Variants in L2HGDH observed in about 807,000 individuals in gnomAD.
The protein encoded by L2HGDH is L-2-hydroxyglutarate dehydrogenase, mitochondrial.
In L2HGDH, 34 loss-of-function variants were observed where a neutral mutation model predicts 51.5. The observed-to-expected ratio is 0.66, with a 90% confidence interval of 0.50 to 0.88. The LOEUF (loss-of-function observed/expected upper bound fraction) is 0.88. L2HGDH is among the 40% of genes least tolerant of loss of function. L2HGDH has a pLI of 0.00. For missense variants in L2HGDH, 558 were observed against 571.9 expected, an observed-to-expected ratio of 0.98 and a Z score of 0.25; for synonymous variants, 198 against 197.9, an observed-to-expected ratio of 1.00 and a Z score of -0.01.
chr14:50,273,726 C>CA (rs577401077), intron 6 of L2HGDH, among the ~76,000 whole-genome samples: 9 of 151,978 alleles, frequency 5.9e-5, no homozygotes, highest in East Asian at 3.9e-4. Flanking sequence ...GGTTAATATC[C>CA]AAAAAATGTA....
At chr14:50,257,142 T>G (rs1888712830) in intron 9 of L2HGDH, among the ~76,000 whole-genome samples, 1 of 152,168 alleles carries the variant, frequency 6.6e-6, no homozygotes, top group Non-Finnish European at 1.5e-5. Flanking sequence ...TTGGCTAGGC[T>G]GATCTTAAAC....
intron 9 of L2HGDH, among the ~76,000 whole-genome samples, chr14:50,252,668 C>CA (rs1053265002): frequency 5.3e-5 from 8 of 151,802 alleles, no homozygotes; most frequent in Admixed American, 1.3e-4. Context: ...GACTGCAAGA[C>CA]AAAAACTGTA....
chr14:50,286,652 C>T (rs1466433255), intron 4 of L2HGDH, among the ~76,000 whole-genome samples: 5 of 152,138 alleles, frequency 3.3e-5, no homozygotes. Context: ...CTATATATTG[C>T]CATCCCTAAA....
At chr14:50,282,534 T>C (rs1890330239) in intron 5 of L2HGDH, 3 of 455,996 alleles carry the variant, frequency 6.6e-6, no homozygotes, top group East Asian at 7.0e-5. Flanking sequence ...GGGTCCAGTA[T>C]AGTTCAGTAA....
At chr14:50,253,584 T>A (rs1378285289) in intron 9 of L2HGDH, among the ~76,000 whole-genome samples, 1 of 152,094 alleles carries the variant, frequency 6.6e-6, no homozygotes, top group Non-Finnish European at 1.5e-5. Context: ...ACACTGTTAA[T>A]AGAAATGTAA....
intron 9 of L2HGDH, among the ~76,000 whole-genome samples, chr14:50,251,105 A>C (rs1888322478): frequency 2.0e-5 from 3 of 152,236 alleles, no homozygotes; most frequent in Admixed American, 1.3e-4. Flanking sequence ...GTTTTGAAGA[A>C]ACTCAAAGAA....
At chr14:50,247,971 A>AT (rs1555326677) in intron 9 of L2HGDH, among the ~76,000 whole-genome samples, 54 of 151,280 alleles carry the variant, frequency 3.6e-4, no homozygotes, top group African/African-American at 1.2e-3. Flanking sequence ...ATTAAAGAAA[A>AT]TTTTTTTTTG....
At chr14:50,272,354 G>A (rs1217560966) in intron 6 of L2HGDH, among the ~76,000 whole-genome samples, 1 of 152,076 alleles carries the variant, frequency 6.6e-6, no homozygotes, top group Non-Finnish European at 1.5e-5. Flanking sequence ...TCCCTTAGAT[G>A]AGGGCAGGCA....
chr14:50,277,075 A>G (rs1044861138), intron 6 of L2HGDH, among the ~76,000 whole-genome samples: 3 of 152,210 alleles, frequency 2.0e-5, no homozygotes, highest in Non-Finnish European at 2.9e-5. Flanking sequence ...TACTAATCTA[A>G]TATAAAATGC....
chr14:50,270,274 TACTC>T (rs1332448422), intron 6 of L2HGDH, among the ~76,000 whole-genome samples: 7 of 152,342 alleles, frequency 4.6e-5, no homozygotes, highest in Admixed American at 6.5e-5. Context: ...TTTTTAACTT[TACTC>T]ACTAAGTTTA....
At chr14:50,288,215 T>C (rs1890669639) in intron 4 of L2HGDH, among the ~76,000 whole-genome samples, 1 of 152,222 alleles carries the variant, frequency 6.6e-6, no homozygotes, top group African/African-American at 2.4e-5. Context: ...TATAAAGCTA[T>C]GAAACAGCAA....
intron 7 of L2HGDH, 111 bp from the exon 8 acceptor site, chr14:50,268,021 A>G (rs191006931): frequency 6.7e-6 from 7 of 1,040,156 alleles, no homozygotes; most frequent in Non-Finnish European, 1.1e-5. Context: ...TTTAATTTGT[A>G]TTGTGAGCTG....
chr14:50,301,018 G>A (rs901236790), intron 3 of L2HGDH, among the ~76,000 whole-genome samples: 1 of 152,054 alleles, frequency 6.6e-6, no homozygotes, highest in Non-Finnish European at 1.5e-5. Flanking sequence ...TAGAGATAGG[G>A]TCTCACTATG....
At chr14:50,254,424 G>C (rs1888540042) in intron 9 of L2HGDH, among the ~76,000 whole-genome samples, 1 of 152,048 alleles carries the variant, frequency 6.6e-6, no homozygotes, top group African/African-American at 2.4e-5. Flanking sequence ...TCTTGGGGTA[G>C]AGACGCATAT....
At chr14:50,305,220 C>T (rs2030658321) in intron 1 of L2HGDH, among the ~76,000 whole-genome samples, 1 of 152,124 alleles carries the variant, frequency 6.6e-6, no homozygotes, top group African/African-American at 2.4e-5. Context: ...GGGAGAACCT[C>T]CAGGTGATGC....
chr14:50,243,338 T>A lies in L2HGDH; in HGVS notation c.*3720A>T. 1 of 984,762 alleles carries A rather than the reference T, an allele frequency of 1.0e-6. No individual in the cohort carries two copies. Among genetic ancestry groups the A allele is most frequent in the Non-Finnish European group, 1.2e-6 (1 of 829,340 alleles). The allele number at this position is 984,762 out of a possible 1,614,324, so 61.0% of individuals were successfully genotyped here. A position where few individuals can be genotyped will look rare whatever the true frequency, so the allele number is the denominator to read the frequency against. On this transcript the variant is annotated 3_prime_UTR_variant, in exon 10 of 10. Coordinates refer to ENST00000267436, the MANE Select transcript of L2HGDH (RefSeq NM_024884.3). The stretch of plus-strand genomic sequence containing the variant: ...ATAAATGACTCAACCTCATTTTGTA[T>A]TATATACTAACACAGAAATGAGTTT...
chr14:50,297,445 C>T (rs1467828765), intron 3 of L2HGDH, among the ~76,000 whole-genome samples: 1 of 151,876 alleles, frequency 6.6e-6, no homozygotes, highest in Non-Finnish European at 1.5e-5. Context: ...AAAAAATCAA[C>T]ATACAGAAAT....
chr14:50,271,660 G>A (rs1291543535), intron 6 of L2HGDH, among the ~76,000 whole-genome samples: 1 of 151,806 alleles, frequency 6.6e-6, no homozygotes, highest in African/African-American at 2.4e-5. Context: ...GGGCAACACA[G>A]GGAGACCTTG....
At chr14:50,262,942 C>T (rs189519241) in intron 9 of L2HGDH, among the ~76,000 whole-genome samples, 4 of 152,330 alleles carry the variant, frequency 2.6e-5, no homozygotes, top group East Asian at 1.9e-4. Context: ...GCCTGCAGTG[C>T]TGTGCCCTTT....
Sources: allele counts gnomAD v4.1 joint callset (sites outside exome capture counted in the v4.1 genomes callset), GRCh38; gene constraint gnomAD v4.1.1; transcripts MANE v1.5; gene names NCBI Gene and HGNC (gene_info 2026-07-23, HGNC 2026-07-21).